The following KCNIP4 variants were observed in gnomAD, a reference collection of about 807,000 sequenced individuals.
The protein encoded by KCNIP4 is potassium voltage-gated channel interacting protein 4.
In KCNIP4, 12 loss-of-function variants were observed where a neutral mutation model predicts 34.0. The ratio of observed to expected loss-of-function variants is 0.35; its 90% CI spans 0.23 to 0.57. KCNIP4 has a LOEUF of 0.57. Ranked by LOEUF, KCNIP4 falls within the 20% of genes least tolerant of loss-of-function variation. KCNIP4 has a pLI of 0.83. For missense variants in KCNIP4, 238 were observed against 311.7 expected (o/e 0.76, Z 1.78); for synonymous variants, 124 against 102.2 (o/e 1.21, Z -1.29).
At chr4:21,877,222 G>A (rs974861544) in intron 1 of KCNIP4, among the ~76,000 whole-genome samples, 9 of 151,960 alleles carry the variant, frequency 5.9e-5, no homozygotes, top group Non-Finnish European at 7.4e-5. Flanking sequence ...GTGTGGTGGC[G>A]GGTCCCTGTA....
intron 1 of KCNIP4, among the ~76,000 whole-genome samples, chr4:21,148,626 GT>G (rs1446657260): frequency 2.0e-5 from 3 of 150,802 alleles, no homozygotes; most frequent in Non-Finnish European, 4.4e-5. Context: ...TCCTGTATCA[GT>G]TCAAAAAATA....
intron 1 of KCNIP4, among the ~76,000 whole-genome samples, chr4:21,540,103 T>G (rs1737556762): frequency 6.6e-6 from 1 of 152,048 alleles, no homozygotes; most frequent in Non-Finnish European, 1.5e-5. Flanking sequence ...TTATAACCAA[T>G]ATTAATACTG....
intron 3 of KCNIP4, among the ~76,000 whole-genome samples, chr4:20,823,950 T>A (rs1717411592): frequency 6.6e-6 from 1 of 152,176 alleles, no homozygotes; most frequent in African/African-American, 2.4e-5. Flanking sequence ...GAATATGGCT[T>A]CTGGGCTGGC....
chr4:21,299,038 T>G (rs758471125), intron 1 of KCNIP4, among the ~76,000 whole-genome samples: 8 of 152,102 alleles, frequency 5.3e-5, no homozygotes, highest in Non-Finnish European at 7.4e-5. Flanking sequence ...CCAAATTCAG[T>G]GGACTCTATA....
At chr4:20,905,513 T>C (rs868114593) in intron 1 of KCNIP4, among the ~76,000 whole-genome samples, 2 of 88,558 alleles carry the variant, frequency 2.3e-5, no homozygotes, top group African/African-American at 3.7e-5. Context: ...TTCTTTCTTT[T>C]TTTTTTTTTT....
At chr4:21,460,205 A>G (rs1367579705) in intron 1 of KCNIP4, among the ~76,000 whole-genome samples, 2 of 150,694 alleles carry the variant, frequency 1.3e-5, no homozygotes, top group Non-Finnish European at 2.9e-5. Context: ...GCCTTGGGGC[A>G]TTCACAAAAT....
At chr4:20,808,054 T>A (rs1476517143) in intron 3 of KCNIP4, among the ~76,000 whole-genome samples, 1 of 152,152 alleles carries the variant, frequency 6.6e-6, no homozygotes, top group Non-Finnish European at 1.5e-5. Context: ...TCTGACTCCA[T>A]GCAAGGCTAG....
At chr4:21,294,671 C>T (rs1322873907) in intron 1 of KCNIP4, among the ~76,000 whole-genome samples, 3 of 152,098 alleles carry the variant, frequency 2.0e-5, no homozygotes, top group Non-Finnish European at 2.9e-5. Context: ...GTAATTATTA[C>T]AATATGTATG....
At chr4:21,630,650 C>T (rs1354563341) in intron 1 of KCNIP4, among the ~76,000 whole-genome samples, 4 of 152,066 alleles carry the variant, frequency 2.6e-5, no homozygotes, top group Admixed American at 2.0e-4. Flanking sequence ...TAGTGCTTTT[C>T]TCAAACCTCT....
rs147687940 is a variant in KCNIP4 at position 21,192,952 on chromosome 4, C to CTAATAA, written c.62-310249_62-310244dup. The stretch of plus-strand genomic sequence containing the variant: ...ACTACTACTACTACTACTACTACTA[C>CTAATAA]TAATAATAATAATAATTAGTTGGGT... On this transcript the variant is annotated intron_variant, in intron 1 of 8. Coordinates refer to ENST00000382152, the MANE Select transcript of KCNIP4 (RefSeq NM_025221.6). Among the ~76,000 whole-genome samples the CTAATAA allele has an allele frequency of 4.7e-4, 68 of 145,112 alleles. No homozygotes were observed. The East Asian group carries it at 6.4e-3, about 14-fold the overall frequency.
intron 1 of KCNIP4, among the ~76,000 whole-genome samples, chr4:21,054,530 A>AG (rs1743234391): frequency 6.6e-6 from 1 of 152,020 alleles, no homozygotes; most frequent in Admixed American, 6.6e-5. Context: ...AGAAAAAAAA[A>AG]AAAAGAATAG....
At chr4:21,284,191 C>T (rs370392428) in intron 1 of KCNIP4, among the ~76,000 whole-genome samples, 39 of 148,066 alleles carry the variant, frequency 2.6e-4, no homozygotes, top group African/African-American at 8.5e-4. Flanking sequence ...CCAGCCTGGG[C>T]GACAGAGCGA....
At chr4:21,529,696 A>G (rs1736511859) in intron 1 of KCNIP4, among the ~76,000 whole-genome samples, 2 of 152,182 alleles carry the variant, frequency 1.3e-5, no homozygotes, top group African/African-American at 2.4e-5. Context: ...GGAAGAGACC[A>G]TGAAATCTCT....
chr4:20,915,447 G>C (rs564791286), intron 1 of KCNIP4, among the ~76,000 whole-genome samples: 2 of 152,162 alleles, frequency 1.3e-5, no homozygotes, highest in South Asian at 4.1e-4. Flanking sequence ...TAATTTTTTG[G>C]ATATGTGTAG....
intron 1 of KCNIP4, among the ~76,000 whole-genome samples, chr4:21,019,870 G>C (rs1424875797): frequency 6.6e-6 from 1 of 152,114 alleles, no homozygotes; most frequent in Non-Finnish European, 1.5e-5. Context: ...GAGGAAAGAA[G>C]TATACAGTGT....
intron 1 of KCNIP4, among the ~76,000 whole-genome samples, chr4:21,090,165 C>A: frequency 6.6e-6 from 1 of 152,128 alleles, no homozygotes; most frequent in East Asian, 1.9e-4. Flanking sequence ...CTTCCCTCAC[C>A]GAGCTCATCT....
intron 1 of KCNIP4, among the ~76,000 whole-genome samples, chr4:21,153,926 C>T (rs997321004): frequency 7.3e-5 from 11 of 151,692 alleles, no homozygotes; most frequent in African/African-American, 2.4e-4. Flanking sequence ...GCCAAACACC[C>T]ACACCGTAAC....
At chr4:21,877,844 T>C (rs1162720097) in intron 1 of KCNIP4, among the ~76,000 whole-genome samples, 1 of 152,206 alleles carries the variant, frequency 6.6e-6, no homozygotes, top group Non-Finnish European at 1.5e-5. Context: ...AGCAAAAACC[T>C]AGAAGGCCTT....
intron 1 of KCNIP4, among the ~76,000 whole-genome samples, chr4:21,005,034 A>G (rs968967833): frequency 6.6e-6 from 1 of 152,214 alleles, no homozygotes; most frequent in African/African-American, 2.4e-5. Context: ...TTTGGCTTAG[A>G]AAAACTGAGA....
Sources: gnomAD v4.1 joint callset for allele counts (sites outside exome capture counted in the v4.1 genomes callset) on GRCh38, gnomAD v4.1.1 for gene constraint, MANE v1.5 for transcripts, NCBI Gene and HGNC (gene_info 2026-07-23, HGNC 2026-07-21) for gene names.